Variants in ACOXL observed in about 807,000 individuals in gnomAD.
ACOXL encodes the protein acyl-coenzyme A oxidase-like protein.
A neutral mutation model predicts 71.9 loss-of-function variants in ACOXL; 70 were observed. That is an observed-to-expected ratio of 0.97 (90% CI 0.80 to 1.19). The LOEUF (loss-of-function observed/expected upper bound fraction) is 1.19. ACOXL is among the 50% of genes most tolerant of loss of function. ACOXL has a pLI of 0.00. For missense variants in ACOXL, 703 were observed against 736.3 expected (o/e 0.95, Z 0.52); for synonymous variants, 253 against 281.6 (o/e 0.90, Z 1.02).
At chr2:110,797,737 T>C (rs2105300156) in intron 5 of ACOXL, among the ~76,000 whole-genome samples, 1 of 152,288 alleles carries the variant, frequency 6.6e-6, no homozygotes, top group African/African-American at 2.4e-5. Flanking sequence ...GGACAAGCCA[T>C]CTAAGGGCCC....
intron 17 of ACOXL, chr2:111,101,257 A>C (rs2069138849): frequency 6.6e-6 from 1 of 152,350 alleles, no homozygotes; most frequent in African/African-American, 2.4e-5. Context: ...CACACAAAAA[A>C]AAATTAGGAG....
intron 10 of ACOXL, among the ~76,000 whole-genome samples, chr2:110,856,285 C>T (rs1388729245): frequency 6.6e-6 from 1 of 152,182 alleles, no homozygotes; most frequent in East Asian, 1.9e-4. Context: ...CCTGCTCCAT[C>T]CCATCCTGAA....
At chr2:110,790,027 A>G (rs1215851027) in intron 3 of ACOXL, among the ~76,000 whole-genome samples, 1 of 152,222 alleles carries the variant, frequency 6.6e-6, no homozygotes, top group Non-Finnish European at 1.5e-5. Flanking sequence ...GTTCCTTTGT[A>G]CATATGTACC....
At chr2:111,040,621 C>A (rs1221016213) in intron 15 of ACOXL, among the ~76,000 whole-genome samples, 1 of 152,186 alleles carries the variant, frequency 6.6e-6, no homozygotes, top group African/African-American at 2.4e-5. Flanking sequence ...ACGGAAGAGA[C>A]ACAAGCTGGG....
At chr2:111,076,795 T>C (rs1193953872) in intron 16 of ACOXL, among the ~76,000 whole-genome samples, 1 of 152,204 alleles carries the variant, frequency 6.6e-6, no homozygotes, top group Non-Finnish European at 1.5e-5. Flanking sequence ...AAAATCAAGG[T>C]GTTGGCAGGA....
At chr2:110,990,153 C>G (rs767501713) in intron 13 of ACOXL, among the ~76,000 whole-genome samples, 8 of 152,152 alleles carry the variant, frequency 5.3e-5, no homozygotes, top group Non-Finnish European at 1.0e-4. Flanking sequence ...TATATTAAAT[C>G]TATATACTTG....
intron 11 of ACOXL, among the ~76,000 whole-genome samples, chr2:110,925,238 G>T (rs369385365): frequency 7.2e-5 from 11 of 152,300 alleles, no homozygotes; most frequent in African/African-American, 2.4e-4. Flanking sequence ...ATGACCATTG[G>T]CTTCAACTTA....
chr2:111,089,933 C>G (rs1042554903), intron 16 of ACOXL, among the ~76,000 whole-genome samples: 2 of 152,140 alleles, frequency 1.3e-5, no homozygotes, highest in Non-Finnish European at 2.9e-5. Flanking sequence ...ACTAGGCCAC[C>G]AGTTTCAAGG....
chr2:111,030,728 G>C (rs1337295739), intron 14 of ACOXL, among the ~76,000 whole-genome samples: 1 of 103,428 alleles, frequency 9.7e-6, no homozygotes, highest in African/African-American at 3.8e-5. Flanking sequence ...ATTTCCTTGA[G>C]CACAAAAAAA....
intron 14 of ACOXL, among the ~76,000 whole-genome samples, chr2:110,998,668 A>G (rs2063497355): frequency 6.6e-6 from 1 of 152,178 alleles, no homozygotes; most frequent in Non-Finnish European, 1.5e-5. Context: ...TGATCTGGTA[A>G]TTCCTTGAAA....
chr2:110,987,345 A>G, intron 13 of ACOXL, 128 bp downstream of exon 13: 1 of 772,030 alleles, frequency 1.3e-6, no homozygotes, highest in South Asian at 1.8e-5. Context: ...GAAATCTGTG[A>G]ATCTGTAAAA....
intron 16 of ACOXL, among the ~76,000 whole-genome samples, chr2:111,072,377 A>G (rs772966886): frequency 2.0e-5 from 3 of 152,204 alleles, no homozygotes; most frequent in Non-Finnish European, 4.4e-5. Context: ...TTCACTCCGC[A>G]TGATGTCTTT....
At chr2:110,793,982 C>T (rs917693854) in intron 4 of ACOXL, 94 bp from the exon 5 acceptor site, 37 of 1,290,306 alleles carry the variant, frequency 2.9e-5, no homozygotes, top group Non-Finnish European at 4.1e-5. Flanking sequence ...CCCACCTGTC[C>T]CTCTCTCACC....
At chr2:110,870,078 A>T (rs1326124936) in intron 10 of ACOXL, among the ~76,000 whole-genome samples, 1 of 152,178 alleles carries the variant, frequency 6.6e-6, no homozygotes, top group African/African-American at 2.4e-5. Flanking sequence ...AGGACTAGTT[A>T]TCTTATGGCT....
chr2:111,032,564 A>C (rs547454515), intron 15 of ACOXL, among the ~76,000 whole-genome samples: 1 of 152,328 alleles, frequency 6.6e-6, no homozygotes, highest in African/African-American at 2.4e-5. Context: ...AGAAGCTGTT[A>C]AAAGAGAAAG....
intron 11 of ACOXL, among the ~76,000 whole-genome samples, chr2:110,914,642 T>C (rs2059771891): frequency 6.6e-6 from 1 of 152,220 alleles, no homozygotes; most frequent in Non-Finnish European, 1.5e-5. Flanking sequence ...TTTTCCAATA[T>C]TTATTTCTTT....
intron 5 of ACOXL, among the ~76,000 whole-genome samples, chr2:110,797,526 G>T (rs1425167921): frequency 6.6e-6 from 1 of 152,166 alleles, no homozygotes; most frequent in Non-Finnish European, 1.5e-5. Context: ...GCAGTGGTGG[G>T]AATAGGTCAT....
At position 110,935,472 on chromosome 2, in the gene ACOXL, G is replaced by A. The variant is rs114966453; in HGVS notation, c.1059+1830G>A. Among the ~76,000 whole-genome samples the A allele has an allele frequency of 3.4e-3, 524 of 152,192 alleles. 7 individuals are homozygous for A. Among genetic ancestry groups the A allele is most frequent in the African/African-American group, 0.012 (513 of 41,522 alleles). On this transcript the variant is annotated intron_variant, in intron 12 of 17. Transcript: ENST00000439055. ...ATGCTGAGCCCTGGCAGTGCCACCC[G>A]GAACAACCGCCCTCGCCTGCTCTCC...
chr2:110,786,635 A>G (rs537275989), intron 3 of ACOXL, among the ~76,000 whole-genome samples: 1 of 152,272 alleles, frequency 6.6e-6, no homozygotes, highest in East Asian at 1.9e-4. Context: ...GACCATGAGG[A>G]CAGCTCCACA....
Sources: gnomAD v4.1 joint callset for allele counts (sites outside exome capture counted in the v4.1 genomes callset) on GRCh38, gnomAD v4.1.1 for gene constraint, MANE v1.5 for transcripts, NCBI Gene and HGNC (gene_info 2026-07-23, HGNC 2026-07-21) for gene names.